Variants in C10orf67 observed in about 807,000 individuals in gnomAD.
The protein encoded by C10orf67 is chromosome 10 open reading frame 67, also known as uncharacterized protein C10orf67, mitochondrial.
Under a neutral mutation model 35.6 loss-of-function variants are expected in C10orf67, and 60 were observed. The ratio of observed to expected loss-of-function variants is 1.68; its 90% CI spans 1.37 to 2.09. The LOEUF is 2.09. C10orf67 is among the 30% of genes most tolerant of loss of function. The probability of loss-of-function intolerance (pLI) is 0.00; values close to 1 mark genes in which losing one functional copy is unlikely to be tolerated. For synonymous variants in C10orf67, 167 were observed against 115.8 expected (o/e 1.44, Z -2.84); for missense variants, 474 against 330.2 (o/e 1.44, Z -3.38).
chr10:23,315,667 C>G (rs985458241), intron 4 of C10orf67, among the ~76,000 whole-genome samples: 5 of 152,238 alleles, frequency 3.3e-5, no homozygotes, highest in African/African-American at 9.6e-5. Context: ...TCTCAAACTC[C>G]TGAGCCCAAG....
chr10:23,298,660 A>T (rs1360415625), intron 5 of C10orf67, among the ~76,000 whole-genome samples: 1 of 152,226 alleles, frequency 6.6e-6, no homozygotes, highest in African/African-American at 2.4e-5. Context: ...AAGCCAATAT[A>T]GCCTGGATAC....
chr10:23,264,101 G>A (rs902401164), intron 10 of C10orf67, among the ~76,000 whole-genome samples: 1 of 152,096 alleles, frequency 6.6e-6, no homozygotes, highest in Admixed American at 6.5e-5. Flanking sequence ...CGTGGTAAAC[G>A]TTATAAAACC....
In C10orf67 at chr10:23,236,799, C is replaced by A. The variant is rs987483164; in HGVS notation, c.1434+2930G>T. ...GGCTGAGGCAGGAGAATCGCTTAAA[C>A]CTGGGAGGTGGAGGTTGCAGTGAGC... On this transcript the variant is annotated intron_variant, in intron 13 of 15. Coordinates refer to ENST00000636213, the MANE Select transcript of C10orf67 (RefSeq NM_001371909.1). Among the ~76,000 whole-genome samples the A allele has an allele frequency of 4.6e-5, 7 of 152,140 alleles. No homozygotes were observed. The East Asian group carries it at 1.3e-3, about 29-fold the overall frequency.
chr10:23,203,728 T>C lies in C10orf67; in HGVS notation c.*445A>G, dbSNP rs1177997450. On this transcript the variant is annotated 3_prime_UTR_variant, in exon 16 of 16. Coordinates refer to ENST00000636213, the MANE Select transcript of C10orf67 (RefSeq NM_001371909.1). ...CTTGAGGAAATGTACGATCTCCCTG[T>C]AGTCTTCATGACCTACCTTCATGGG... is the stretch of plus-strand genomic sequence containing the variant. 6.5e-6 allele frequency: 1 copy of C among 153,036 alleles called. No individual in the cohort carries two copies. Among genetic ancestry groups the C allele is most frequent in the Non-Finnish European group, 1.5e-5 (1 of 68,586 alleles). The allele number at this position is 153,036 out of a possible 1,614,324, so 9.5% of individuals were successfully genotyped here.
chr10:23,333,213 A>G, intron 1 of C10orf67, 31 bp from the exon 2 acceptor site: 1 of 1,545,748 alleles, frequency 6.5e-7, no homozygotes, highest in Non-Finnish European at 8.8e-7. Flanking sequence ...ATGTGCTTTA[A>G]GTCATAGATA....
intron 15 of C10orf67, among the ~76,000 whole-genome samples, chr10:23,213,085 T>C (rs912733976): frequency 1.3e-5 from 2 of 152,050 alleles, no homozygotes; most frequent in African/African-American, 2.4e-5. Context: ...AAAGAACCAA[T>C]TAAAATTTTG....
intron 1 of C10orf67, among the ~76,000 whole-genome samples, chr10:23,339,929 A>C (rs1428954438): frequency 1.3e-5 from 2 of 152,196 alleles, no homozygotes; most frequent in African/African-American, 4.8e-5. Context: ...ACACTGCTGC[A>C]CATTTAACAG....
chr10:23,251,953 T>G (rs1842465930), intron 10 of C10orf67, among the ~76,000 whole-genome samples: 1 of 152,188 alleles, frequency 6.6e-6, no homozygotes, highest in Non-Finnish European at 1.5e-5. Flanking sequence ...ATTTAGATAA[T>G]TCAGTATTTA....
chr10:23,290,519 C>T (rs372219776), intron 6 of C10orf67, among the ~76,000 whole-genome samples: 9 of 152,232 alleles, frequency 5.9e-5, no homozygotes, highest in Admixed American at 3.9e-4. Context: ...TGAAAAAATA[C>T]GTTAGAGCAA....
chr10:23,343,135 A>C (rs1302052991), intron 1 of C10orf67, among the ~76,000 whole-genome samples: 1 of 152,244 alleles, frequency 6.6e-6, no homozygotes, highest in Non-Finnish European at 1.5e-5. Context: ...AAATAATGAC[A>C]TCGGCAAACA....
rs1022277033 is a variant in C10orf67, at chr10:23,204,209, G to A, written c.1617C>T (p.Ser539=). 1.5e-6 allele frequency: 1 copy of A among 652,120 alleles called. No individual in the cohort carries two copies. Among genetic ancestry groups the A allele is most frequent in the Non-Finnish European group, 2.9e-6 (1 of 348,794 alleles). 40.4% of individuals were successfully genotyped at this position (652,120 alleles called of 1,614,324 possible). A position where few individuals can be genotyped will look rare whatever the true frequency, so the allele number is the denominator to read the frequency against. ...TCTCTGCGGGGCTGCTCTGGCGCATGGAGGGCTCCTCCAAGGACTCTTCTT... is the reference window on the plus strand; with the variant it reads ...TCTCTGCGGGGCTGCTCTGGCGCATAGAGGGCTCCTCCAAGGACTCTTCTT... The part of the protein sequence containing the change: ...SPKEESLEEP[S]MRQSSPAETV... The change falls in exon 16 of 16, where the codon TCC becomes TCT. Residue 539 remains serine, a synonymous_variant. Transcript: ENST00000636213.
intron 2 of C10orf67, 77 bp from the exon 3 acceptor site, chr10:23,322,614 A>G (rs939650542): frequency 4.3e-6 from 4 of 930,090 alleles, no homozygotes; most frequent in African/African-American, 1.7e-5. Flanking sequence ...TCACTTGCTA[A>G]GTGGGAGCAA....
chr10:23,238,762 A>G (rs1842107109), intron 13 of C10orf67, among the ~76,000 whole-genome samples: 1 of 152,224 alleles, frequency 6.6e-6, no homozygotes, highest in South Asian at 2.1e-4. Flanking sequence ...GGGTGAGATG[A>G]GGAAAAACCA....
intron 5 of C10orf67, among the ~76,000 whole-genome samples, chr10:23,291,755 T>C (rs1424892426): frequency 6.6e-6 from 1 of 152,108 alleles, no homozygotes; most frequent in African/African-American, 2.4e-5. Context: ...GCCAGTGTCA[T>C]GAGGAGCACA....
intron 13 of C10orf67, among the ~76,000 whole-genome samples, chr10:23,236,343 A>G (rs1588602057): frequency 6.7e-6 from 1 of 150,090 alleles, no homozygotes; most frequent in African/African-American, 2.5e-5. Flanking sequence ...TGAGGCAGAG[A>G]ATTGCTTGAA....
chr10:23,343,313 G>A (rs753026742), intron 1 of C10orf67, among the ~76,000 whole-genome samples: 2 of 152,118 alleles, frequency 1.3e-5, no homozygotes, highest in Non-Finnish European at 2.9e-5. Flanking sequence ...GTGGGAGCGG[G>A]TGTGGGGGAC....
intron 10 of C10orf67, among the ~76,000 whole-genome samples, chr10:23,257,146 G>A (rs943173962): frequency 5.3e-5 from 8 of 152,176 alleles, no homozygotes; most frequent in Non-Finnish European, 1.0e-4. Context: ...CCAAGTGGAG[G>A]TGTCCTACTA....
intron 1 of C10orf67, among the ~76,000 whole-genome samples, chr10:23,340,854 A>G (rs990734184): frequency 1.3e-5 from 2 of 152,256 alleles, no homozygotes; most frequent in African/African-American, 2.4e-5. Context: ...GTTTTTTAAA[A>G]TAAATTACAT....
intron 8 of C10orf67, among the ~76,000 whole-genome samples, chr10:23,267,793 C>T (rs1780512565): frequency 6.6e-6 from 1 of 151,674 alleles, no homozygotes; most frequent in South Asian, 2.1e-4. Flanking sequence ...GTAATTCCAG[C>T]TACTTGGGAG....
Sources: gnomAD v4.1 joint callset for allele counts (sites outside exome capture counted in the v4.1 genomes callset) on GRCh38, gnomAD v4.1.1 for gene constraint, MANE v1.5 for transcripts, NCBI Gene and HGNC (gene_info 2026-07-23, HGNC 2026-07-21) for gene names.